The following ZFY variants were observed in gnomAD, a reference collection of about 807,000 sequenced individuals.
ZFY encodes the protein zinc finger protein Y-linked.
For synonymous variants in ZFY, 47 were observed against 55.8 expected (o/e 0.84, Z 0.71); for missense variants, 113 against 170.9 (o/e 0.66, Z 1.89).
intron 3 of ZFY, among the ~76,000 whole-genome samples, chrY:2,967,298 C>T (rs920505772): frequency 3.1e-5 from 1 of 32,745 alleles, no homozygotes; most frequent in Non-Finnish European, 7.5e-5. Flanking sequence ...GCCTAGTGTT[C>T]GTGGATAGTG....
At chrY:2,949,773 G>A in intron 1 of ZFY, among the ~76,000 whole-genome samples, 3 of 27,598 alleles carry the variant, frequency 1.1e-4, no homozygotes, top group Admixed American at 6.9e-4. Context: ...TCGCTTGAGC[G>A]TGGGAGGTCG....
chrY:2,952,366 G>A (rs762895728), intron 1 of ZFY, among the ~76,000 whole-genome samples: 2 of 34,225 alleles, frequency 5.8e-5, no homozygotes, highest in Non-Finnish European at 1.5e-4. Flanking sequence ...ATTATGCAGA[G>A]AAGATTAGTT....
At chrY:2,962,448 C>A in intron 3 of ZFY, among the ~76,000 whole-genome samples, 1 of 33,381 alleles carries the variant, frequency 3.0e-5, no homozygotes, top group Non-Finnish European at 7.4e-5. Flanking sequence ...ATTTAGTTAT[C>A]CTAATTGACC....
chrY:2,973,535 C>G (rs965361506), intron 3 of ZFY, among the ~76,000 whole-genome samples: 28 of 33,210 alleles, frequency 8.4e-4, no homozygotes, highest in Non-Finnish European at 1.9e-3. Context: ...TCTTGGGGTC[C>G]TCCTCCTCTG....
At chrY:2,949,387 C>A in intron 1 of ZFY, among the ~76,000 whole-genome samples, 2 of 31,041 alleles carry the variant, frequency 6.4e-5, no homozygotes, top group African/African-American at 2.6e-4. Flanking sequence ...CCTGCCTTAG[C>A]GTCCCAGAGT....
At chrY:2,957,564 AT>A (rs2051296585) in intron 2 of ZFY, among the ~76,000 whole-genome samples, 5 of 31,178 alleles carry the variant, frequency 1.6e-4, no homozygotes, top group African/African-American at 2.5e-4. Context: ...TGTAAAAATA[AT>A]TTTTTTTTTC....
rs759564941 is a variant in ZFY at position 2,961,511 on chromosome Y, C to G, written c.499C>G (p.Leu167Val). ...VVEAEIITDP[L>V]TSDIVSEEVL... ...GGAAGCAGAAATCATTACTGATCCTCTGACGAGTGACATAGTTTCAGAAGA... is the reference window on the plus strand; with the variant it reads ...GGAAGCAGAAATCATTACTGATCCTGTGACGAGTGACATAGTTTCAGAAGA... Residue 167 changes from leucine (L) to valine (V), a missense_variant, in exon 3 of 8, where the codon CTG becomes GTG. By Grantham distance (32) the Leu-to-Val change is conservative. Transcript: ENST00000155093. 1 of 398,872 alleles carries G rather than the reference C, an allele frequency of 2.5e-6. No individual in the cohort carries two copies. Among genetic ancestry groups the G allele is most frequent in the South Asian group, 3.0e-5 (1 of 33,772 alleles).
chrY:2,942,460 G>A, intron 1 of ZFY, among the ~76,000 whole-genome samples: 1 of 23,977 alleles, frequency 4.2e-5, no homozygotes, highest in African/African-American at 1.7e-4. Context: ...CTGGAGTGCA[G>A]TGCCTGATCA....
At chrY:2,957,776 A>T in intron 2 of ZFY, among the ~76,000 whole-genome samples, 1 of 33,841 alleles carries the variant, frequency 3.0e-5, no homozygotes, top group East Asian at 7.8e-4. Flanking sequence ...TTATTGTCTC[A>T]CAGTTTCTGT....
intron 1 of ZFY, among the ~76,000 whole-genome samples, chrY:2,946,836 TA>T (rs2051263413): frequency 4.4e-5 from 1 of 22,608 alleles, no homozygotes; most frequent in Non-Finnish European, 1.0e-4. Context: ...CCATCTCTAC[TA>T]AAAAAAAAAA....
At chrY:2,954,053 A>G in intron 2 of ZFY, 56 bp downstream of exon 2, 4 of 288,966 alleles carry the variant, frequency 1.4e-5, no homozygotes, top group Non-Finnish European at 2.1e-5. Context: ...TGAATTACTT[A>G]CCAAAATTGC....
intron 3 of ZFY, among the ~76,000 whole-genome samples, chrY:2,969,984 T>C: frequency 3.0e-5 from 1 of 33,730 alleles, no homozygotes; most frequent in South Asian, 6.4e-4. Flanking sequence ...TATTGTAAAT[T>C]CTATTCATAT....
intron 3 of ZFY, among the ~76,000 whole-genome samples, chrY:2,973,010 A>G: frequency 3.1e-5 from 1 of 32,323 alleles, no homozygotes; most frequent in African/African-American, 1.2e-4. Flanking sequence ...TAAAATAATC[A>G]TCTGTTCACC....
chrY:2,945,144 T>G (rs2051258119), intron 1 of ZFY, among the ~76,000 whole-genome samples: 1 of 33,079 alleles, frequency 3.0e-5, no homozygotes, highest in African/African-American at 1.2e-4. Flanking sequence ...TACAGAATTT[T>G]TAATGTCCTA....
intron 3 of ZFY, among the ~76,000 whole-genome samples, chrY:2,964,359 C>G: frequency 3.1e-5 from 1 of 32,651 alleles, no homozygotes; most frequent in Admixed American, 2.8e-4. Flanking sequence ...GATGAAAAAA[C>G]AGACGTAAAA....
intron 3 of ZFY, among the ~76,000 whole-genome samples, chrY:2,962,884 T>G (rs2051315754): frequency 3.0e-5 from 1 of 33,287 alleles, no homozygotes; most frequent in Non-Finnish European, 7.4e-5. Flanking sequence ...TTTGAAAATG[T>G]AATAATAAAT....
In ZFY at chrY:2,980,204, G is replaced by A; in HGVS notation, c.*211G>A. The A allele has an allele frequency of 2.2e-5, 3 of 135,593 alleles. No individual in the cohort carries two copies. The highest frequency in any genetic ancestry group is 4.1e-5 in the Non-Finnish European group (3 of 73,998). 33.8% of individuals were successfully genotyped at this position (135,593 alleles called of 400,897 possible). Reference sequence around the variant, plus strand: ...AATAGATGAGGAAAAATAGCAACAAGCAAGTTGCTTATAATAAAATAATTT... The same window carrying A: ...AATAGATGAGGAAAAATAGCAACAAACAAGTTGCTTATAATAAAATAATTT... On this transcript the variant is annotated 3_prime_UTR_variant, in exon 8 of 8. Transcript: ENST00000155093.
At chrY:2,946,354 G>A in intron 1 of ZFY, among the ~76,000 whole-genome samples, 1 of 33,546 alleles carries the variant, frequency 3.0e-5, no homozygotes, top group South Asian at 6.3e-4. Context: ...TGTATTTTAT[G>A]TTGTCTGTTT....
At chrY:2,963,689 C>T in intron 3 of ZFY, among the ~76,000 whole-genome samples, 1 of 32,924 alleles carries the variant, frequency 3.0e-5, no homozygotes, top group African/African-American at 1.2e-4. Flanking sequence ...AAGCCCAATC[C>T]TCATATCTAA....
Sources: allele counts gnomAD v4.1 joint callset (sites outside exome capture counted in the v4.1 genomes callset), GRCh38; gene constraint gnomAD v4.1.1; transcripts MANE v1.5; gene names NCBI Gene and HGNC (gene_info 2026-07-23, HGNC 2026-07-21).